Variants in RP1L1 observed in about 807,000 individuals in gnomAD.
RP1L1 encodes the protein RP1 like 1.
RP1L1 carries 27 observed loss-of-function variants against 15.7 expected under a neutral mutation model. That is an observed-to-expected ratio of 1.72 (90% CI 1.27 to 2.38). RP1L1 has a LOEUF of 2.38. RP1L1 is among the 30% of genes most tolerant of loss of function. RP1L1 has a pLI of 0.00. For missense variants in RP1L1, 4,798 were observed against 3,075.9 expected (o/e 1.56, Z -13.24); for synonymous variants, 1,813 against 1,276.7 (o/e 1.42, Z -8.96).
At chr8:10,626,172 C>G (rs746021763) in intron 1 of RP1L1, among the ~76,000 whole-genome samples, 1 of 151,466 alleles carries the variant, frequency 6.6e-6, no homozygotes, top group Non-Finnish European at 1.5e-5. Flanking sequence ...GTGGGCTAGG[C>G]TGGGTAGGGG....
At chr8:10,644,171 G>A (rs1259504051) in intron 1 of RP1L1, among the ~76,000 whole-genome samples, 2 of 151,942 alleles carry the variant, frequency 1.3e-5, no homozygotes, top group African/African-American at 4.8e-5. Context: ...CGGGGACAGG[G>A]CAACTGATAT....
Position 10,610,413 on chromosome 8 carries a change from C to G in RP1L1, c.3685G>C (p.Glu1229Gln). The change falls in exon 4 of 4, where the codon GAG (glutamate) becomes CAG (glutamine). Residue 1229 changes from glutamate to glutamine, a missense_variant. Glu to Gln is a conservative substitution (Grantham distance 29, BLOSUM62 2). Coordinates refer to ENST00000382483, the MANE Select transcript of RP1L1 (RefSeq NM_178857.6). Reference protein sequence around the residue: ...MDGTLVTQGTELPLKTSNQRP... With the variant: ...MDGTLVTQGTQLPLKTSNQRP... ...TGGTTGGAGGTTTTCAGGGGCAGCT[C>G]TGTCCCCTGTGTCACCAGGGTGCCG... is the stretch of plus-strand genomic sequence containing the variant. 6.2e-7 allele frequency: 1 copy of G among 1,613,988 alleles called. No homozygotes were observed. The highest frequency in any genetic ancestry group is 8.5e-7 in the Non-Finnish European group (1 of 1,180,040).
chr8:10,632,943 G>A (rs999890987), intron 1 of RP1L1, among the ~76,000 whole-genome samples: 12 of 152,190 alleles, frequency 7.9e-5, no homozygotes, highest in African/African-American at 2.4e-4. Flanking sequence ...GGCGGAGGCT[G>A]CAAAATGAGA....
chr8:10,630,662 C>A (rs908965981), intron 1 of RP1L1, among the ~76,000 whole-genome samples: 2 of 152,326 alleles, frequency 1.3e-5, no homozygotes, highest in African/African-American at 4.8e-5. Flanking sequence ...TAACCACAGG[C>A]AAATTGCCCT....
chr8:10,620,824 G>C (rs890886371), intron 2 of RP1L1, among the ~76,000 whole-genome samples: 4 of 152,340 alleles, frequency 2.6e-5, no homozygotes, highest in East Asian at 1.9e-4. Flanking sequence ...CCCATTGGCT[G>C]TCATGTCCAG....
In RP1L1 at chr8:10,651,581, G is replaced by T. The variant is rs945536833; in HGVS notation, c.-20+3317C>A. ...ATCTCTACTAAAAATACAAAAATTA[G>T]CTGGGTGTGGTGTCACGTGCCTGTA... On this transcript the variant is annotated intron_variant, in intron 1 of 3. Coordinates refer to ENST00000382483, the MANE Select transcript of RP1L1 (RefSeq NM_178857.6). Among the ~76,000 whole-genome samples, 51 of 151,870 alleles carry T rather than the reference G, an allele frequency of 3.4e-4. 1 individual carries two copies. The highest frequency in any genetic ancestry group is 1.1e-3 in the African/African-American group (46 of 41,326).
Position 10,620,859 on chromosome 8 carries a change from G to A in RP1L1, c.609+1734C>T, listed in dbSNP as rs568831679. Among the ~76,000 whole-genome samples the A allele has an allele frequency of 7.9e-5, 12 of 152,266 alleles. No individual in the cohort carries two copies. In the East Asian group the frequency reaches 1.9e-3, roughly 25 times the overall value. ...GGGATAAACATGAACACAAGACCAC[G>A]GCCCATGTAGTGAGGAACCCCAAGG... is the stretch of plus-strand genomic sequence containing the variant. On this transcript the variant is annotated intron_variant, in intron 2 of 3. Transcript: ENST00000382483.
At chr8:10,626,170 G>C (rs1441777962) in intron 1 of RP1L1, among the ~76,000 whole-genome samples, 1 of 152,180 alleles carries the variant, frequency 6.6e-6, no homozygotes, top group African/African-American at 2.4e-5. Flanking sequence ...AAGTGGGCTA[G>C]GCTGGGTAGG....
chr8:10,624,903 G>T (rs752501799), intron 1 of RP1L1, among the ~76,000 whole-genome samples: 3 of 152,186 alleles, frequency 2.0e-5, no homozygotes, highest in Non-Finnish European at 4.4e-5. Context: ...CCCAGAGAGT[G>T]ACAACAGCAA....
At position 10,610,153 on chromosome 8, in the gene RP1L1, C is replaced by G. The variant is rs1339769310; in HGVS notation, c.3945G>C (p.Leu1315=). ...ETKEGTEGEG[L]QEEAVQLEET... is the part of the protein sequence containing the mutation. ...CCTCTAACTGCACCGCCTCTTCTTG[C>G]AGCCCTTCTCCTTCTGTTCCTTCTT... The change falls in exon 4 of 4, where the codon CTG becomes CTC. Residue 1315 remains leucine (L), a synonymous_variant. Transcript: ENST00000382483. 1.2e-6 allele frequency: 2 copies of G among 1,612,266 alleles called. No individual in the cohort carries two copies. Among genetic ancestry groups the G allele is most frequent in the African/African-American group, 2.7e-5 (2 of 74,834 alleles).
At chr8:10,635,310 C>A (rs926328168) in intron 1 of RP1L1, among the ~76,000 whole-genome samples, 1 of 152,124 alleles carries the variant, frequency 6.6e-6, no homozygotes, top group African/African-American at 2.4e-5. Flanking sequence ...AAGAGGGGAC[C>A]CTTCTGGGCA....
At chr8:10,631,017 C>G (rs1335115831) in intron 1 of RP1L1, among the ~76,000 whole-genome samples, 1 of 152,128 alleles carries the variant, frequency 6.6e-6, no homozygotes, top group Non-Finnish European at 1.5e-5. Flanking sequence ...ATGCCTGGCT[C>G]TCAGGGGGAA....
At chr8:10,641,500 C>T (rs1798406373) in intron 1 of RP1L1, among the ~76,000 whole-genome samples, 1 of 152,214 alleles carries the variant, frequency 6.6e-6, no homozygotes, top group South Asian at 2.1e-4. Flanking sequence ...ACGAAATACA[C>T]ATTTTAAAAA....
chr8:10,648,435 G>C lies in RP1L1; in HGVS notation c.-20+6463C>G, dbSNP rs557374379. ...AGATTCCCAGCGTCCCCCTAGAGCT[G>C]CTCTGTTTATAAAGTGTCCTAGGCA... On this transcript the variant is annotated intron_variant, in intron 1 of 3. Transcript: ENST00000382483. Among the ~76,000 whole-genome samples, 16 of 152,212 alleles carry C rather than the reference G, an allele frequency of 1.1e-4. 1 individual carries two copies. Among genetic ancestry groups the C allele is most frequent in the Admixed American group, 1.3e-4 (2 of 15,288 alleles).
Position 10,610,563 on chromosome 8 carries a change from G to A in RP1L1, c.3535C>T (p.Gln1179Ter). The change falls in exon 4 of 4, where the codon CAG becomes TAG. Residue 1179 changes from glutamine to a stop codon, truncating the protein, a stop_gained. Coordinates refer to ENST00000382483, the MANE Select transcript of RP1L1 (RefSeq NM_178857.6). LOFTEE classifies it low-confidence loss of function (END_TRUNC). ...DSGLWELTWS[Q>*]ALPDLGSHAM... ...TGGGACCCAAGGTCTGGCAGAGCCT[G>A]GCTCCATGTGAGCTCCCAGAGGCCT... is the stretch of plus-strand genomic sequence containing the variant. The A allele has an allele frequency of 6.2e-7, 1 of 1,613,664 alleles. No homozygotes were observed. The highest frequency in any genetic ancestry group is 8.5e-7 in the Non-Finnish European group (1 of 1,180,036).
chr8:10,613,644 A>C (rs1220876061), intron 3 of RP1L1, among the ~76,000 whole-genome samples: 1 of 151,156 alleles, frequency 6.6e-6, no homozygotes, highest in Non-Finnish European at 1.5e-5. Context: ...TAATTACCTA[A>C]GCATGGTAGT....
rs1407803587 is a variant in RP1L1 at position 10,611,343 on chromosome 8, A to C, written c.2755T>G (p.Ser919Ala). The change falls in exon 4 of 4, where the codon TCT becomes GCT. Residue 919 changes from serine to alanine, a missense_variant. Coordinates refer to ENST00000382483, the MANE Select transcript of RP1L1 (RefSeq NM_178857.6). ...GTCTTCTCCTCGGACAGCCCCCGAGACCCCGCACCCTGGCTGGCACTGCTT... is the reference window on the plus strand; with the variant it reads ...GTCTTCTCCTCGGACAGCCCCCGAGCCCCCGCACCCTGGCTGGCACTGCTT... The part of the protein sequence containing the change: ...RRSSASQGAG[S>A]RGLSEEKTLR... 22 of 1,611,692 alleles carry C rather than the reference A, an allele frequency of 1.4e-5. No homozygotes were observed. Among genetic ancestry groups the C allele is most frequent in the Non-Finnish European group, 1.6e-5 (19 of 1,179,856 alleles).
chr8:10,641,443 T>A (rs950855039), intron 1 of RP1L1, among the ~76,000 whole-genome samples: 1 of 152,218 alleles, frequency 6.6e-6, no homozygotes, highest in Non-Finnish European at 1.5e-5. Context: ...CACAGCAGCA[T>A]AACCTTGCCT....
Position 10,611,885 on chromosome 8 carries a change from G to A in RP1L1, c.2213C>T (p.Ala738Val). The change falls in exon 4 of 4, where the codon GCC (alanine) becomes GTC (valine). Residue 738 changes from alanine (A) to valine (V), a missense_variant. Physicochemically the swap from Ala to Val is moderately conservative, Grantham distance 64. Transcript: ENST00000382483. ...PSQDLLGTSS[A>V]TVTPAVHSDF... ...CGAGTGGACTGCAGGGGTGACAGTG[G>A]CACTGCTGGTTCCCAGAAGGTCCTG... 6.2e-7 allele frequency: 1 copy of A among 1,613,880 alleles called. No homozygotes were observed.
Sources: allele counts gnomAD v4.1 joint callset (sites outside exome capture counted in the v4.1 genomes callset), GRCh38; gene constraint gnomAD v4.1.1; transcripts MANE v1.5; gene names NCBI Gene and HGNC (gene_info 2026-07-23, HGNC 2026-07-21).